Variants in LRFN2 observed in about 807,000 individuals in gnomAD.
The protein encoded by LRFN2 is leucine rich repeat and fibronectin type III domain containing 2.
A neutral mutation model predicts 37.3 loss-of-function variants in LRFN2; 18 were observed. The ratio of observed to expected loss-of-function variants is 0.48; its 90% CI spans 0.33 to 0.72. The LOEUF is 0.72. Among genes scored for constraint, LRFN2 ranks in the 30% least tolerant of loss-of-function variants. LRFN2 has a pLI of 0.02. For synonymous variants in LRFN2, 556 were observed against 466.6 expected (o/e 1.19, Z -2.47); for missense variants, 1,006 against 1,060.7 (o/e 0.95, Z 0.72).
chr6:40,559,269 G>A (rs752118765), intron 1 of LRFN2, among the ~76,000 whole-genome samples: 1 of 152,170 alleles, frequency 6.6e-6, no homozygotes. Flanking sequence ...TCCTGATGAC[G>A]CTGTAAATCA....
chr6:40,462,635 G>C (rs1038297699), intron 1 of LRFN2, among the ~76,000 whole-genome samples: 1 of 152,184 alleles, frequency 6.6e-6, no homozygotes, highest in Non-Finnish European at 1.5e-5. Flanking sequence ...CCACAGTGAT[G>C]ATATCTCACA....
chr6:40,441,754 C>T (rs1341271563), intron 1 of LRFN2, among the ~76,000 whole-genome samples: 4 of 152,110 alleles, frequency 2.6e-5, no homozygotes, highest in Non-Finnish European at 4.4e-5. Context: ...TGGGGGCCCT[C>T]GTGTCACACA....
chr6:40,529,866 G>A (rs1397946316), intron 1 of LRFN2, among the ~76,000 whole-genome samples: 1 of 152,212 alleles, frequency 6.6e-6, no homozygotes, highest in Non-Finnish European at 1.5e-5. Context: ...ACACTGTAAG[G>A]ATCAATAAAC....
intron 1 of LRFN2, among the ~76,000 whole-genome samples, chr6:40,552,823 G>GC (rs1163944035): frequency 2.6e-5 from 4 of 151,904 alleles, no homozygotes; most frequent in Admixed American, 2.6e-4. Flanking sequence ...TTGTCCATAA[G>GC]CATCCTTTAA....
At chr6:40,451,050 T>C (rs1474240762) in intron 1 of LRFN2, among the ~76,000 whole-genome samples, 1 of 152,200 alleles carries the variant, frequency 6.6e-6, no homozygotes, top group Non-Finnish European at 1.5e-5. Flanking sequence ...TGTTGTTTCC[T>C]CAAACTAAAG....
chr6:40,455,605 C>T (rs954146467), intron 1 of LRFN2, among the ~76,000 whole-genome samples: 3 of 152,224 alleles, frequency 2.0e-5, no homozygotes, highest in Non-Finnish European at 4.4e-5. Context: ...CAGCTTTATT[C>T]ACTCTAAAGG....
At chr6:40,479,216 C>T (rs187695270) in intron 1 of LRFN2, among the ~76,000 whole-genome samples, 42 of 152,278 alleles carry the variant, frequency 2.8e-4, no homozygotes, top group African/African-American at 9.1e-4. Flanking sequence ...CAGCTATCAC[C>T]ATCATCTTCA....
chr6:40,490,024 G>A (rs1199130559), intron 1 of LRFN2, among the ~76,000 whole-genome samples: 7 of 152,116 alleles, frequency 4.6e-5, no homozygotes, highest in African/African-American at 1.2e-4. Flanking sequence ...GAGGGCCGCC[G>A]CTTGCCTGGA....
intron 1 of LRFN2, among the ~76,000 whole-genome samples, chr6:40,506,317 T>C (rs899704755): frequency 7.2e-5 from 11 of 152,188 alleles, no homozygotes; most frequent in Admixed American, 1.3e-4. Context: ...TCTTTTCATG[T>C]GGAGATTTGT....
At chr6:40,535,760 T>G (rs1361467410) in intron 1 of LRFN2, among the ~76,000 whole-genome samples, 2 of 151,970 alleles carry the variant, frequency 1.3e-5, no homozygotes, top group Non-Finnish European at 2.9e-5. Context: ...TTGCTGACAA[T>G]GCACTGAGAC....
At chr6:40,583,192 A>ATATCTAGATATATATGTC (rs1767436670) in intron 1 of LRFN2, among the ~76,000 whole-genome samples, 1 of 54,570 alleles carries the variant, frequency 1.8e-5, no homozygotes, top group African/African-American at 1.1e-4. Flanking sequence ...TATATAGTGT[A>ATATCTAGATATATATGTC]TATATAGACA....
intron 1 of LRFN2, among the ~76,000 whole-genome samples, chr6:40,436,650 C>T (rs1277246498): frequency 2.6e-5 from 4 of 152,200 alleles, no homozygotes; most frequent in Non-Finnish European, 5.9e-5. Flanking sequence ...CCAGCTTCAC[C>T]TTACCCAGGC....
intron 1 of LRFN2, among the ~76,000 whole-genome samples, chr6:40,439,331 G>A (rs1763775756): frequency 6.6e-6 from 1 of 152,128 alleles, no homozygotes; most frequent in Admixed American, 6.5e-5. Flanking sequence ...GAGTGGGAGG[G>A]GTTGGGATCT....
intron 1 of LRFN2, among the ~76,000 whole-genome samples, chr6:40,510,385 G>A (rs926988820): frequency 6.6e-6 from 1 of 152,182 alleles, no homozygotes; most frequent in African/African-American, 2.4e-5. Context: ...CCCAACTGAT[G>A]CCTCCCTGGT....
intron 1 of LRFN2, among the ~76,000 whole-genome samples, chr6:40,479,531 C>T (rs6933217): frequency 0.013 from 2,054 of 152,350 alleles, 59 homozygotes; most frequent in African/African-American, 0.046. Context: ...AAGATCCCTT[C>T]TGGGTCTCAC....
At chr6:40,498,100 T>C (rs1039844733) in intron 1 of LRFN2, among the ~76,000 whole-genome samples, 20 of 152,002 alleles carry the variant, frequency 1.3e-4, no homozygotes, top group African/African-American at 4.8e-4. Flanking sequence ...GAGGCAACAT[T>C]GACTCTACAA....
chr6:40,430,083 G>A (rs1485398597), intron 2 of LRFN2, among the ~76,000 whole-genome samples: 1 of 152,078 alleles, frequency 6.6e-6, no homozygotes, highest in East Asian at 1.9e-4. Flanking sequence ...ATACATATAT[G>A]CATATTTAAG....
intron 1 of LRFN2, among the ~76,000 whole-genome samples, chr6:40,447,346 G>A (rs1433629858): frequency 6.6e-6 from 1 of 152,016 alleles, no homozygotes; most frequent in Non-Finnish European, 1.5e-5. Context: ...GTAATGTTAC[G>A]ACATTAACCT....
rs114720929 is a variant in LRFN2 at position 40,478,054 on chromosome 6, C to T, written c.-18-44923G>A. Among the ~76,000 whole-genome samples the T allele has an allele frequency of 1.8e-4, 28 of 152,220 alleles. 1 individual carries two copies. In the East Asian group the frequency reaches 2.9e-3, roughly 16 times the overall value. ...CATGTGCAAAGTGGCAGCATCAGGG[C>T]GGGAAGCCACAGGGATAAGCCGGCA... On this transcript the variant is annotated intron_variant, in intron 1 of 2. Transcript: ENST00000338305.
Sources: allele counts gnomAD v4.1 joint callset (sites outside exome capture counted in the v4.1 genomes callset), GRCh38; gene constraint gnomAD v4.1.1; transcripts MANE v1.5; gene names NCBI Gene and HGNC (gene_info 2026-07-23, HGNC 2026-07-21).